SLCO3A1: variants seen among roughly 807,000 people sequenced by gnomAD.
SLCO3A1 encodes solute carrier organic anion transporter family member 3A1.
In SLCO3A1, 27 loss-of-function variants were observed where a neutral mutation model predicts 63.1. The ratio of observed to expected loss-of-function variants is 0.43; its 90% CI spans 0.32 to 0.59. The LOEUF is 0.59. Ranked by LOEUF, SLCO3A1 falls within the 20% of genes least tolerant of loss-of-function variation. The pLI, the probability that SLCO3A1 is intolerant of heterozygous loss-of-function variation, is 0.09. For missense variants in SLCO3A1, 773 were observed against 945.8 expected, an observed-to-expected ratio of 0.82 and a Z score of 2.40; for synonymous variants, 473 against 409.9, an observed-to-expected ratio of 1.15 and a Z score of -1.86.
intron 2 of SLCO3A1, among the ~76,000 whole-genome samples, chr15:92,070,781 G>A (rs897948087): frequency 6.6e-6 from 1 of 152,104 alleles, no homozygotes; most frequent in Non-Finnish European, 1.5e-5. Flanking sequence ...CTAGTGAGAG[G>A]TATCTGTGCC....
At chr15:92,080,705 G>A (rs2047333199) in intron 2 of SLCO3A1, among the ~76,000 whole-genome samples, 1 of 152,194 alleles carries the variant, frequency 6.6e-6, no homozygotes, top group African/African-American at 2.4e-5. Flanking sequence ...TGTGCTGAGT[G>A]CTCACACTCG....
intron 6 of SLCO3A1, among the ~76,000 whole-genome samples, chr15:92,126,613 A>T (rs1376352636): frequency 1.3e-5 from 2 of 152,242 alleles, no homozygotes; most frequent in South Asian, 4.1e-4. Flanking sequence ...TTTGATTTCA[A>T]CAATTCCTTA....
rs1597117592 is a variant in SLCO3A1, at chr15:91,916,392, G to T, written c.580G>T (p.Val194Leu). 5.6e-6 allele frequency: 9 copies of T among 1,613,078 alleles called. No homozygotes were observed. Among genetic ancestry groups the T allele is most frequent in the African/African-American group, 4.0e-5 (3 of 75,044 alleles). ...QVLLGIGATP[V>L]QPLGVSYIDD... ...GCTCCTGGGCATCGGTGCTACCCCT[G>T]TGCAGCCCCTGGGCGTCTCCTACAT... The change falls in exon 2 of 10, where the codon GTG (valine) becomes TTG (leucine). Residue 194 changes from valine to leucine, a missense_variant. Physicochemically the swap from Val to Leu is conservative, Grantham distance 32. Transcript: ENST00000318445. The surrounding 1 kb of genome is among the most constrained non-coding windows in gnomAD (Gnocchi z 6.2).
intron 2 of SLCO3A1, among the ~76,000 whole-genome samples, chr15:91,931,271 T>C (rs1005679440): frequency 2.6e-5 from 4 of 152,246 alleles, no homozygotes; most frequent in Non-Finnish European, 4.4e-5. Flanking sequence ...AGAAATAACA[T>C]GACAAAGCCT....
chr15:92,088,614 T>C (rs2047434170), intron 2 of SLCO3A1, among the ~76,000 whole-genome samples: 2 of 152,186 alleles, frequency 1.3e-5, no homozygotes, highest in South Asian at 4.2e-4. Flanking sequence ...CTGGCAGGGC[T>C]GTGATCCTGC....
In SLCO3A1 at chr15:91,854,448, C is replaced by G; in HGVS notation, c.180+360C>G. On this transcript the variant is annotated intron_variant, in intron 1 of 9. Coordinates refer to ENST00000318445, the MANE Select transcript of SLCO3A1 (RefSeq NM_013272.4). This position sits in a 1 kb window ranked among gnomAD's most constrained non-coding sequence, Gnocchi z 6.4. The stretch of plus-strand genomic sequence containing the variant: ...TTCTCCTTGGAGAGGAACGAAAAAG[C>G]GTCGGGGTTTTCAGGTGACCTGCAC... 1.1e-6 allele frequency: 1 copy of G among 943,332 alleles called. No individual in the cohort carries two copies. Among genetic ancestry groups the G allele is most frequent in the African/African-American group, 1.8e-5 (1 of 56,950 alleles). 58.4% of individuals were successfully genotyped at this position (943,332 alleles called of 1,614,324 possible). A position where few individuals can be genotyped will look rare whatever the true frequency, so the allele number is the denominator to read the frequency against.
At chr15:91,971,301 A>T (rs1315498813) in intron 2 of SLCO3A1, among the ~76,000 whole-genome samples, 1 of 148,508 alleles carries the variant, frequency 6.7e-6, no homozygotes, top group Non-Finnish European at 1.5e-5. Context: ...AGGCTGAGGC[A>T]GGACAATGGG....
chr15:91,919,167 T>G (rs1337919127), intron 2 of SLCO3A1, among the ~76,000 whole-genome samples: 6 of 152,244 alleles, frequency 3.9e-5, no homozygotes, highest in Non-Finnish European at 1.5e-5. Flanking sequence ...TCGGTGGCCG[T>G]GTCGTAGCTT....
At chr15:92,157,989 C>T (rs1235570764) in intron 9 of SLCO3A1, among the ~76,000 whole-genome samples, 1 of 152,210 alleles carries the variant, frequency 6.6e-6, no homozygotes, top group Non-Finnish European at 1.5e-5. Context: ...TGCATTTCCT[C>T]CCAGTCACCA....
At chr15:92,061,078 A>G (rs927700282) in intron 2 of SLCO3A1, among the ~76,000 whole-genome samples, 3 of 152,226 alleles carry the variant, frequency 2.0e-5, no homozygotes, top group African/African-American at 2.4e-5. Flanking sequence ...CACAGTAATT[A>G]ATGACGTGCC....
Position 91,971,394 on chromosome 15 carries a change from C to CAAAAAAAAAAAAAAAAAAAAAAAAAA in SLCO3A1, c.646+54952_646+54953insAAAAAAAAAAAAAAAAAAAAAAAAAA. 2.5e-3 allele frequency among the ~76,000 whole-genome samples: 99 copies of CAAAAAAAAAAAAAAAAAAAAAAAAAA among 39,316 alleles called. 9 individuals are homozygous for CAAAAAAAAAAAAAAAAAAAAAAAAAA. The highest frequency in any genetic ancestry group is 6.0e-3 in the East Asian group (5 of 840). The allele number at this position is 39,316 out of a possible 152,430, so 25.8% of individuals were successfully genotyped here. A position where few individuals can be genotyped will look rare whatever the true frequency, so the allele number is the denominator to read the frequency against. On this transcript the variant is annotated intron_variant, in intron 2 of 9. Coordinates refer to ENST00000318445, the MANE Select transcript of SLCO3A1 (RefSeq NM_013272.4). Reference sequence around the variant, plus strand: ...TGGGTGACAGAGCGAGACTCCATCTCAAAAAAAAAAAAAAAAGCAACCTCT... The same window carrying CAAAAAAAAAAAAAAAAAAAAAAAAAA: ...TGGGTGACAGAGCGAGACTCCATCTCAAAAAAAAAAAAAAAAAAAAAAAAAAAAAAAAAAAAAAAAAAGCAACCTCT...
rs2151351583 is a variant in SLCO3A1, at chr15:91,886,225, A to G, written c.181-29768A>G. Among the ~76,000 whole-genome samples, 1 of 152,344 alleles carries G rather than the reference A, an allele frequency of 6.6e-6. No homozygotes were observed. Reference sequence around the variant, plus strand: ...GTGCAATGGAAAGTAGTAGCAGAGCACAAAAATCCACATTGGAAGCTTAGA... The same window carrying G: ...GTGCAATGGAAAGTAGTAGCAGAGCGCAAAAATCCACATTGGAAGCTTAGA... On this transcript the variant is annotated intron_variant, in intron 1 of 9. Transcript: ENST00000318445. This position sits in a 1 kb window ranked among gnomAD's most constrained non-coding sequence, Gnocchi z 4.9.
chr15:92,047,989 T>C (rs1170379382), intron 2 of SLCO3A1, among the ~76,000 whole-genome samples: 1 of 152,052 alleles, frequency 6.6e-6, no homozygotes, highest in Non-Finnish European at 1.5e-5. Context: ...ATGTTCTCAC[T>C]GAACTACAGG....
intron 5 of SLCO3A1, among the ~76,000 whole-genome samples, chr15:92,124,414 C>T (rs1235242817): frequency 6.6e-6 from 1 of 152,050 alleles, no homozygotes; most frequent in Non-Finnish European, 1.5e-5. Context: ...GGTGACACCC[C>T]CACTGTCTCT....
chr15:92,082,505 T>C (rs978496116), intron 2 of SLCO3A1, among the ~76,000 whole-genome samples: 1 of 152,102 alleles, frequency 6.6e-6, no homozygotes, highest in Non-Finnish European at 1.5e-5. Flanking sequence ...CTCCTCCCAC[T>C]TGCGAGAACC....
intron 2 of SLCO3A1, among the ~76,000 whole-genome samples, chr15:92,004,186 T>C (rs147074475): frequency 1.3e-4 from 20 of 152,296 alleles, no homozygotes; most frequent in Non-Finnish European, 2.6e-4. Flanking sequence ...TGGAGAGCCA[T>C]GCTGGACTAG....
intron 7 of SLCO3A1, among the ~76,000 whole-genome samples, chr15:92,136,246 A>G (rs2151576113): frequency 6.6e-6 from 1 of 152,348 alleles, no homozygotes; most frequent in African/African-American, 2.4e-5. Flanking sequence ...AAATATCCCC[A>G]TACAATCCTC....
In SLCO3A1 at chr15:91,978,128, C is replaced by T. The variant is rs116684545; in HGVS notation, c.646+61670C>T. Reference sequence around the variant, plus strand: ...CATTTCTGGGGAGTTTTTCAGGTTTCGCAGGTAGACCTAGGACTAGGAACA... The same window carrying T: ...CATTTCTGGGGAGTTTTTCAGGTTTTGCAGGTAGACCTAGGACTAGGAACA... On this transcript the variant is annotated intron_variant, in intron 2 of 9. Coordinates refer to ENST00000318445, the MANE Select transcript of SLCO3A1 (RefSeq NM_013272.4). Among the ~76,000 whole-genome samples, 223 of 152,278 alleles carry T rather than the reference C, an allele frequency of 1.5e-3. 1 individual carries two copies. Among genetic ancestry groups the T allele is most frequent in the African/African-American group, 5.1e-3 (213 of 41,562 alleles).
intron 2 of SLCO3A1, among the ~76,000 whole-genome samples, chr15:92,089,011 A>T (rs2023419): frequency 0.65 from 88,280 of 135,936 alleles, 26,874 homozygotes; most frequent in Non-Finnish European, 0.68. Context: ...TTTATTTATT[A>T]TTTATTTATT....
Sources: gnomAD v4.1 joint callset for allele counts (sites outside exome capture counted in the v4.1 genomes callset) on GRCh38, gnomAD v4.1.1 for gene constraint, Gnocchi (gnomAD v3.1) non-coding constraint, MANE v1.5 for transcripts, NCBI Gene and HGNC (gene_info 2026-07-23, HGNC 2026-07-21) for gene names.